Variants in FUT8 observed in about 807,000 individuals in gnomAD.
The protein encoded by FUT8 is fucosyltransferase 8, also known as alpha-(1,6)-fucosyltransferase.
In FUT8, 29 loss-of-function variants were observed where a neutral mutation model predicts 71.3. That is an observed-to-expected ratio of 0.41 (90% CI 0.30 to 0.55). The LOEUF (loss-of-function observed/expected upper bound fraction) is 0.55, where lower values mean the gene tolerates loss of function less well. Ranked by LOEUF, FUT8 falls within the 20% of genes least tolerant of loss-of-function variation. The pLI is 0.34. For missense variants in FUT8, 544 were observed against 702.1 expected, an observed-to-expected ratio of 0.77 and a Z score of 2.55; for synonymous variants, 254 against 239.3, an observed-to-expected ratio of 1.06 and a Z score of -0.57.
chr14:65,650,612 C>T (rs1340156683), intron 6 of FUT8, among the ~76,000 whole-genome samples: 1 of 150,752 alleles, frequency 6.6e-6, no homozygotes, highest in Non-Finnish European at 1.5e-5. Flanking sequence ...TCACCTTTCA[C>T]CAGGCCCCAC....
chr14:65,527,634 A>T (rs1036248391), intron 2 of FUT8, among the ~76,000 whole-genome samples: 2 of 152,190 alleles, frequency 1.3e-5, no homozygotes, highest in African/African-American at 2.4e-5. Context: ...TCTGATTTTT[A>T]GAATTTTCAA....
intron 9 of FUT8, among the ~76,000 whole-genome samples, chr14:65,725,038 AG>A (rs900626478): frequency 6.6e-6 from 1 of 152,248 alleles, no homozygotes; most frequent in Non-Finnish European, 1.5e-5. Flanking sequence ...CAATAAAACC[AG>A]GTGCTTATCG....
chr14:65,480,896 G>T (rs926860867), intron 2 of FUT8, among the ~76,000 whole-genome samples: 2 of 151,186 alleles, frequency 1.3e-5, no homozygotes, highest in African/African-American at 4.9e-5. Context: ...CACCATGTTG[G>T]CTAGGCTGGT....
At chr14:65,402,540 C>T in the FUT8 span, among the ~76,000 whole-genome samples, 11 of 152,054 alleles carry the variant, frequency 7.2e-5, 1 homozygote, top group Middle Eastern at 6.3e-3. Context: ...TGGTGGCAGG[C>T]GCCTGTAATC....
intron 2 of FUT8, among the ~76,000 whole-genome samples, chr14:65,517,108 A>G (rs1882763687): frequency 1.3e-5 from 2 of 152,018 alleles, no homozygotes; most frequent in South Asian, 2.1e-4. Flanking sequence ...TTGCTTATCC[A>G]TTTATCTATC....
chr14:65,738,735 C>T (rs1896349548), intron 10 of FUT8, among the ~76,000 whole-genome samples: 1 of 152,076 alleles, frequency 6.6e-6, no homozygotes, highest in African/African-American at 2.4e-5. Context: ...TAAATGCGAA[C>T]ATTAACACTA....
At chr14:65,555,765 T>A (rs1394329180) in intron 2 of FUT8, among the ~76,000 whole-genome samples, 1 of 152,252 alleles carries the variant, frequency 6.6e-6, no homozygotes, top group Non-Finnish European at 1.5e-5. Context: ...ATATGTTTTT[T>A]AAAGTTTTCT....
intron 2 of FUT8, among the ~76,000 whole-genome samples, chr14:65,555,427 A>G (rs996686424): frequency 6.6e-6 from 1 of 152,178 alleles, no homozygotes; most frequent in African/African-American, 2.4e-5. Context: ...TGCAAGCCTC[A>G]TGAGTTCTTA....
intron 2 of FUT8, among the ~76,000 whole-genome samples, chr14:65,508,034 T>C (rs932424199): frequency 6.6e-6 from 1 of 152,098 alleles, no homozygotes; most frequent in Non-Finnish European, 1.5e-5. Context: ...TAGTTTTGAT[T>C]TGCATTTCTC....
chr14:65,648,635 T>C (rs1891223134), intron 6 of FUT8, among the ~76,000 whole-genome samples: 1 of 152,228 alleles, frequency 6.6e-6, no homozygotes, highest in Non-Finnish European at 1.5e-5. Flanking sequence ...ATGATGTCTT[T>C]TTAAATATTG....
At chr14:65,553,223 A>G (rs1885387968) in intron 2 of FUT8, among the ~76,000 whole-genome samples, 2 of 152,146 alleles carry the variant, frequency 1.3e-5, no homozygotes, top group African/African-American at 4.8e-5. Flanking sequence ...AAAGCAGTGT[A>G]GCTCTGGATC....
intron 7 of FUT8, among the ~76,000 whole-genome samples, chr14:65,710,526 A>T (rs1265747387): frequency 6.6e-6 from 1 of 152,172 alleles, no homozygotes; most frequent in Non-Finnish European, 1.5e-5. Context: ...AAGTGTAAAT[A>T]TCTTTTAGTA....
chr14:65,689,378 G>C (rs977046253), intron 7 of FUT8, among the ~76,000 whole-genome samples: 1 of 151,912 alleles, frequency 6.6e-6, no homozygotes, highest in South Asian at 2.1e-4. Context: ...AAGTTTTAAG[G>C]GTTCTTTTTA....
intron 1 of FUT8, among the ~76,000 whole-genome samples, chr14:65,447,326 T>G (rs2065757945): frequency 6.6e-6 from 1 of 151,954 alleles, no homozygotes; most frequent in Non-Finnish European, 1.5e-5. Flanking sequence ...AAAGTAAATT[T>G]TGTTTGAGTT....
chr14:65,606,348 A>G (rs1446221495), intron 3 of FUT8, among the ~76,000 whole-genome samples: 1 of 151,616 alleles, frequency 6.6e-6, no homozygotes, highest in Non-Finnish European at 1.5e-5. Context: ...AAGTGCTGGG[A>G]TTACAGGCAT....
the FUT8 span, among the ~76,000 whole-genome samples, chr14:65,404,514 T>C: frequency 6.6e-6 from 1 of 151,380 alleles, no homozygotes; most frequent in African/African-American, 2.4e-5. Context: ...TCTTGCTCTG[T>C]CGCCAGGCTG....
chr14:65,494,881 G>A (rs1434969806), intron 2 of FUT8, among the ~76,000 whole-genome samples: 1 of 152,080 alleles, frequency 6.6e-6, no homozygotes, highest in East Asian at 1.9e-4. Context: ...TTTACCAAAT[G>A]TTTAGGTTTC....
chr14:65,733,021 T>C lies in FUT8; in HGVS notation c.1260-210T>C, dbSNP rs373717475. ...TTGATGTGTGTATGTGTGTTTTATA[T>C]GATATGCCAATAAAATTTAATATAC... On this transcript the variant is annotated intron_variant, in intron 9 of 10. Coordinates refer to ENST00000673929, the MANE Select transcript of FUT8 (RefSeq NM_001371533.1). 9.8e-5 allele frequency among the ~76,000 whole-genome samples: 15 copies of C among 152,322 alleles called. No homozygotes were observed. The East Asian group carries it at 1.4e-3, about 14-fold the overall frequency.
intron 3 of FUT8, among the ~76,000 whole-genome samples, chr14:65,570,835 A>G (rs1886428871): frequency 6.6e-6 from 1 of 152,144 alleles, no homozygotes; most frequent in East Asian, 1.9e-4. Context: ...ATAGGTAGAC[A>G]AGATCGAAAA....
Sources: gnomAD v4.1 joint callset for allele counts (sites outside exome capture counted in the v4.1 genomes callset) on GRCh38, gnomAD v4.1.1 for gene constraint, MANE v1.5 for transcripts, NCBI Gene and HGNC (gene_info 2026-07-23, HGNC 2026-07-21) for gene names.